The following SLC30A6 variants were observed in gnomAD, a reference collection of about 807,000 sequenced individuals.
SLC30A6 encodes the protein zinc transporter 6.
A neutral mutation model predicts 63.0 loss-of-function variants in SLC30A6; 55 were observed. That is an observed-to-expected ratio of 0.87 (90% CI 0.70 to 1.09). SLC30A6 has a LOEUF of 1.09. Among genes scored for constraint, SLC30A6 ranks in the 50% least tolerant of loss-of-function variants. The probability of loss-of-function intolerance (pLI) is 0.00; values close to 1 mark genes in which losing one functional copy is unlikely to be tolerated. For missense variants in SLC30A6, 587 were observed against 549.2 expected (o/e 1.07, Z -0.69); for synonymous variants, 224 against 186.1 (o/e 1.20, Z -1.66).
intron 12 of SLC30A6, 34 bp from the exon 13 acceptor site, chr2:32,209,459 G>C (rs763644909): frequency 1.3e-6 from 2 of 1,557,450 alleles, no homozygotes; most frequent in Non-Finnish European, 1.7e-6. Context: ...GTTAAGTACA[G>C]ACAACTCTGA....
At chr2:32,197,947 G>A in intron 10 of SLC30A6, 121 bp downstream of exon 10, 1 of 1,182,310 alleles carries the variant, frequency 8.5e-7, no homozygotes, top group Non-Finnish European at 1.2e-6. Flanking sequence ...GTGTAACTTA[G>A]ATCACATCTT....
chr2:32,193,028 C>A, intron 7 of SLC30A6, 75 bp downstream of exon 7: 6 of 986,342 alleles, frequency 6.1e-6, no homozygotes, highest in East Asian at 2.9e-5. Flanking sequence ...AACAGTTGGC[C>A]AATGTCAGAT....
rs1024518592 is a variant in SLC30A6, at chr2:32,214,693, A to C, written c.885+5132A>C. On this transcript the variant is annotated intron_variant, in intron 13 of 13. Coordinates refer to ENST00000282587, the MANE Select transcript of SLC30A6 (RefSeq NM_017964.5). ...CCTGGTTAAGACCCAGGAATTTAAT[A>C]AAACAAGCTTTTGAGCTGCTAAAAG... 4 of 152,360 alleles carry C rather than the reference A, an allele frequency of 2.6e-5. 1 individual carries two copies. The highest frequency in any genetic ancestry group is 1.3e-4 in the Admixed American group (2 of 15,292). The allele number at this position is 152,360 out of a possible 1,614,324, so 9.4% of individuals were successfully genotyped here. A position where few individuals can be genotyped will look rare whatever the true frequency, so the allele number is the denominator to read the frequency against.
chr2:32,187,896 C>T (rs1682978197), intron 5 of SLC30A6, among the ~76,000 whole-genome samples: 1 of 152,194 alleles, frequency 6.6e-6, no homozygotes, highest in Admixed American at 6.5e-5. Flanking sequence ...AATCCCATTT[C>T]TGTCTCCACT....
intron 3 of SLC30A6, 81 bp from the exon 4 acceptor site, chr2:32,175,237 TG>T: frequency 7.4e-7 from 1 of 1,343,736 alleles, no homozygotes; most frequent in Non-Finnish European, 1.1e-6. Context: ...TGGATACCCC[TG>T]GTAGAAATAA....
intron 4 of SLC30A6, among the ~76,000 whole-genome samples, chr2:32,182,394 C>A (rs1682406996): frequency 6.6e-6 from 1 of 152,168 alleles, no homozygotes; most frequent in Admixed American, 6.5e-5. Context: ...GTGAGATTAG[C>A]ACACTATATG....
intron 5 of SLC30A6, among the ~76,000 whole-genome samples, chr2:32,188,705 T>C (rs1683054406): frequency 6.6e-6 from 1 of 152,100 alleles, no homozygotes; most frequent in East Asian, 1.9e-4. Flanking sequence ...GCAAATTTCA[T>C]AGAAGTAGGG....
chr2:32,185,132 G>T (rs888135752), intron 5 of SLC30A6, among the ~76,000 whole-genome samples: 2 of 152,036 alleles, frequency 1.3e-5, no homozygotes, highest in Admixed American at 6.6e-5. Context: ...ACTTTGGTAG[G>T]TTGAGGCAGG....
At chr2:32,210,697 A>G (rs1685191179) in intron 13 of SLC30A6, among the ~76,000 whole-genome samples, 1 of 152,014 alleles carries the variant, frequency 6.6e-6, no homozygotes, top group Admixed American at 6.6e-5. Flanking sequence ...TTATAGATAA[A>G]CAGATCAAAG....
intron 5 of SLC30A6, 67 bp from the exon 6 acceptor site, chr2:32,192,269 G>A: frequency 2.1e-6 from 3 of 1,408,054 alleles, no homozygotes; most frequent in Non-Finnish European, 3.0e-6. Context: ...GAATGTAAAT[G>A]TGTTCTAGAG....
intron 1 of SLC30A6, among the ~76,000 whole-genome samples, chr2:32,169,468 T>G (rs1680988102): frequency 6.6e-6 from 1 of 151,628 alleles, no homozygotes. Flanking sequence ...TGAGCCACCA[T>G]GGCCAGCCAA....
intron 13 of SLC30A6, among the ~76,000 whole-genome samples, chr2:32,213,692 C>G (rs1195729787): frequency 6.6e-6 from 1 of 151,410 alleles, no homozygotes; most frequent in Non-Finnish European, 1.5e-5. Context: ...TTTTAGTTTT[C>G]TTAGTTTTAC....
intron 1 of SLC30A6, among the ~76,000 whole-genome samples, chr2:32,170,318 A>G (rs1158846658): frequency 6.6e-6 from 1 of 152,154 alleles, no homozygotes; most frequent in Non-Finnish European, 1.5e-5. Context: ...ACTGGCTTAT[A>G]TTTTCTCCCA....
Position 32,222,144 on chromosome 2 carries a change from T to A in SLC30A6, c.*1431T>A, listed in dbSNP as rs1686176872. The A allele has an allele frequency of 6.6e-6, 1 of 152,214 alleles. No homozygotes were observed. The highest frequency in any genetic ancestry group is 6.5e-5 in the Admixed American group (1 of 15,280). 9.4% of individuals were successfully genotyped at this position (152,214 alleles called of 1,614,324 possible). The stretch of plus-strand genomic sequence containing the variant: ...TGATGAAATGTGAGAATTACATAGA[T>A]TATGTTATTTTTTAGTTGTTTTCCA... On this transcript the variant is annotated 3_prime_UTR_variant, in exon 14 of 14. Transcript: ENST00000282587.
Position 32,197,736 on chromosome 2 carries a change from G to A in SLC30A6, c.575G>A (p.Ser192Asn). 4 of 1,614,140 alleles carry A rather than the reference G, an allele frequency of 2.5e-6. No individual in the cohort carries two copies. The highest frequency in any genetic ancestry group is 3.4e-6 in the Non-Finnish European group (4 of 1,180,006). Reference protein sequence around the residue: ...SLCGIIPGLSSIFLPRMNPFV... With the variant: ...SLCGIIPGLSNIFLPRMNPFV... ...TGTGGAATTATTCCGGGACTTAGCA[G>A]TATCTTCCTTCCCCGAATGAATCCA... The change falls in exon 10 of 14, where the codon AGT becomes AAT. Residue 192 changes from serine (S) to asparagine (N), a missense_variant. Ser to Asn is a conservative substitution (Grantham distance 46). Coordinates refer to ENST00000282587, the MANE Select transcript of SLC30A6 (RefSeq NM_017964.5).
intron 8 of SLC30A6, among the ~76,000 whole-genome samples, chr2:32,194,525 C>T (rs556643565): frequency 1.3e-5 from 2 of 152,146 alleles, no homozygotes; most frequent in East Asian, 3.9e-4. Context: ...AAATTATTTT[C>T]TTTTTTCAAT....
At chr2:32,215,846 A>G (rs1378054679) in intron 13 of SLC30A6, among the ~76,000 whole-genome samples, 1 of 147,462 alleles carries the variant, frequency 6.8e-6, no homozygotes, top group Non-Finnish European at 1.5e-5. Flanking sequence ...CTGGGACTGC[A>G]TATGTGTGCC....
chr2:32,219,991 A>T (rs1283436210), intron 13 of SLC30A6, among the ~76,000 whole-genome samples: 2 of 152,098 alleles, frequency 1.3e-5, no homozygotes, highest in African/African-American at 4.8e-5. Context: ...TCTTGTTCCT[A>T]CATGGATATT....
At chr2:32,194,492 C>A (rs1010340305) in intron 8 of SLC30A6, among the ~76,000 whole-genome samples, 4 of 152,174 alleles carry the variant, frequency 2.6e-5, no homozygotes, top group Non-Finnish European at 5.9e-5. Context: ...CAACTTCAGA[C>A]TGATTTTTCA....
Sources: gnomAD v4.1 joint callset for allele counts (sites outside exome capture counted in the v4.1 genomes callset) on GRCh38, gnomAD v4.1.1 for gene constraint, MANE v1.5 for transcripts, NCBI Gene and HGNC (gene_info 2026-07-23, HGNC 2026-07-21) for gene names.